LCMT1: variants seen among roughly 807,000 people sequenced by gnomAD.
LCMT1 encodes the protein [Phosphatase 2A protein]-leucine-carboxy methyltransferase 1.
Under a neutral mutation model 47.7 loss-of-function variants are expected in LCMT1, and 32 were observed. The ratio of observed to expected loss-of-function variants is 0.67; its 90% CI spans 0.51 to 0.90. The LOEUF (loss-of-function observed/expected upper bound fraction) is 0.90, where lower values mean the gene tolerates loss of function less well. LCMT1 is among the 40% of genes least tolerant of loss of function. LCMT1 has a pLI of 0.00. For synonymous variants in LCMT1, 152 were observed against 149.7 expected (o/e 1.02, Z -0.11); for missense variants, 375 against 415.2 (o/e 0.90, Z 0.84).
chr16:25,141,981 A>G (rs1215359494), intron 4 of LCMT1: 1 of 152,264 alleles, frequency 6.6e-6, no homozygotes, highest in Admixed American at 6.5e-5. Context: ...CATGTGTGAT[A>G]TTATGAACTG....
intron 7 of LCMT1, among the ~76,000 whole-genome samples, chr16:25,164,951 C>G (rs1200654016): frequency 1.3e-5 from 2 of 152,160 alleles, no homozygotes; most frequent in Non-Finnish European, 2.9e-5. Flanking sequence ...TTTTCAAGTT[C>G]TTATTTTTAT....
At chr16:25,125,926 C>T (rs765402599) in intron 1 of LCMT1, 3 of 1,112,758 alleles carry the variant, frequency 2.7e-6, no homozygotes, top group Non-Finnish European at 3.4e-6. Flanking sequence ...CAACTGATGT[C>T]CTATAAATCC....
Position 25,169,181 on chromosome 16 carries a change from G to A in LCMT1, c.760G>A (p.Gly254Arg). ...GCGGAGACGCCAGTGTGACCTGGCG[G>A]GAGTGGAGACCTGCAAGTCATTAGA... ...NLRRRQCDLA[G>R]VETCKSLESQ... The change falls in exon 8 of 11, where the codon GGA (glycine) becomes AGA (arginine). Residue 254 changes from glycine (G) to arginine (R), a missense_variant. Transcript: ENST00000399069. 1.2e-6 allele frequency: 2 copies of A among 1,613,086 alleles called. No homozygotes were observed. The highest frequency in any genetic ancestry group is 1.7e-6 in the Non-Finnish European group (2 of 1,179,262).
intron 1 of LCMT1, chr16:25,125,838 G>GTAA (rs55788453): frequency 0.54 from 82,677 of 154,146 alleles, 22,578 homozygotes; most frequent in Middle Eastern, 0.58. Flanking sequence ...ATCTCTAATA[G>GTAA]TAATAATAAT....
intron 1 of LCMT1, among the ~76,000 whole-genome samples, chr16:25,116,242 C>T (rs55777347): frequency 0.016 from 2,414 of 152,216 alleles, 75 homozygotes; most frequent in African/African-American, 0.055. Flanking sequence ...AAATTCTATC[C>T]AGTAGCTCTG....
At chr16:25,164,208 T>G (rs1178902832) in intron 6 of LCMT1, among the ~76,000 whole-genome samples, 1 of 152,132 alleles carries the variant, frequency 6.6e-6, no homozygotes, top group Non-Finnish European at 1.5e-5. Context: ...TACTGTCCTG[T>G]TGACCAAAGC....
chr16:25,120,728 C>CTTGTTTTT (rs1480824983), intron 1 of LCMT1, among the ~76,000 whole-genome samples: 1 of 145,094 alleles, frequency 6.9e-6, no homozygotes, highest in Non-Finnish European at 1.5e-5. Context: ...CGCACCTGGC[C>CTTGTTTTT]TTGTTTTTTT....
intron 1 of LCMT1, among the ~76,000 whole-genome samples, chr16:25,115,739 G>A (rs996645194): frequency 1.3e-5 from 2 of 152,110 alleles, no homozygotes. Flanking sequence ...GTGCAGTGGC[G>A]CGATGTTGGT....
chr16:25,157,008 A>T (rs1038744417), intron 5 of LCMT1, among the ~76,000 whole-genome samples: 2 of 150,570 alleles, frequency 1.3e-5, no homozygotes, highest in African/African-American at 4.9e-5. Context: ...GTCACTTTGC[A>T]ATGCTTATCA....
chr16:25,123,068 G>C (rs1960042616), intron 1 of LCMT1, among the ~76,000 whole-genome samples: 1 of 152,012 alleles, frequency 6.6e-6, no homozygotes, highest in African/African-American at 2.4e-5. Flanking sequence ...GCATTTTTCT[G>C]GCTTTGGTTT....
chr16:25,113,282 A>T (rs1367543919), intron 1 of LCMT1, among the ~76,000 whole-genome samples: 12 of 152,178 alleles, frequency 7.9e-5, no homozygotes, highest in South Asian at 2.1e-4. Context: ...CCACGTAGTG[A>T]TTGTAGAGTG....
At chr16:25,136,481 T>G (rs1196266859) in intron 3 of LCMT1, among the ~76,000 whole-genome samples, 2 of 152,172 alleles carry the variant, frequency 1.3e-5, no homozygotes, top group African/African-American at 4.8e-5. Context: ...CTTTTTTTTT[T>G]TTTTAAGTTC....
chr16:25,169,451 A>C, intron 8 of LCMT1: 1 of 382,522 alleles, frequency 2.6e-6, no homozygotes, highest in Non-Finnish European at 4.8e-6. Flanking sequence ...TTTCAAACAA[A>C]CATAAAGGTA....
intron 2 of LCMT1, among the ~76,000 whole-genome samples, chr16:25,129,984 A>G (rs1960301809): frequency 6.6e-6 from 1 of 152,080 alleles, no homozygotes; most frequent in Non-Finnish European, 1.5e-5. Flanking sequence ...TAATTCTCAG[A>G]TGAGGGAGGG....
chr16:25,161,210 A>ATT lies in LCMT1; in HGVS notation c.569+16_569+17dup, dbSNP rs761843189. ...AAATGTAACATGAATACACAGTGAG[A>ATT]TTTTTTTTTTTAAACCTCTTCTGCA... On this transcript the variant is annotated splice_region_variant and intron_variant, in intron 6 of 10. Transcript: ENST00000399069. 1.7e-5 allele frequency: 23 copies of ATT among 1,343,754 alleles called. No individual in the cohort carries two copies. The highest frequency in any genetic ancestry group is 4.4e-5 in the African/African-American group (3 of 67,972). The allele number at this position is 1,343,754 out of a possible 1,614,324, so 83.2% of individuals were successfully genotyped here.
At chr16:25,155,429 C>A (rs1202361410) in intron 5 of LCMT1, among the ~76,000 whole-genome samples, 1 of 151,906 alleles carries the variant, frequency 6.6e-6, no homozygotes, top group Non-Finnish European at 1.5e-5. Flanking sequence ...CGCCTATAGT[C>A]CTAGCTACTT....
intron 5 of LCMT1, among the ~76,000 whole-genome samples, chr16:25,158,264 G>A (rs1961319928): frequency 6.6e-6 from 1 of 152,168 alleles, no homozygotes. Context: ...CAATTCCCAT[G>A]CCTCAGCCTC....
chr16:25,138,308 G>C (rs2141660528), intron 3 of LCMT1, among the ~76,000 whole-genome samples: 1 of 152,272 alleles, frequency 6.6e-6, no homozygotes, highest in South Asian at 2.1e-4. Flanking sequence ...GACACCAGAG[G>C]GGGTGCTGGG....
chr16:25,128,010 C>T (rs1409707674), intron 1 of LCMT1, among the ~76,000 whole-genome samples: 1 of 152,210 alleles, frequency 6.6e-6, no homozygotes, highest in Non-Finnish European at 1.5e-5. Context: ...AAATGATTGG[C>T]ACCTAATACA....
Sources: allele counts gnomAD v4.1 joint callset (sites outside exome capture counted in the v4.1 genomes callset), GRCh38; gene constraint gnomAD v4.1.1; transcripts MANE v1.5; gene names NCBI Gene and HGNC (gene_info 2026-07-23, HGNC 2026-07-21).